Variants in PHLPP2 observed in about 807,000 individuals in gnomAD.
PHLPP2 encodes the protein PH domain leucine-rich repeat-containing protein phosphatase 2.
PHLPP2 carries 66 observed loss-of-function variants against 124.9 expected under a neutral mutation model. That is an observed-to-expected ratio of 0.53 (90% CI 0.43 to 0.65). The LOEUF (loss-of-function observed/expected upper bound fraction) is 0.65. Ranked by LOEUF, PHLPP2 falls within the 30% of genes least tolerant of loss-of-function variation. The pLI, the probability that PHLPP2 is intolerant of heterozygous loss-of-function variation, is 0.00. For missense variants in PHLPP2, 1,685 were observed against 1,600.4 expected (o/e 1.05, Z -0.90); for synonymous variants, 681 against 624.7 (o/e 1.09, Z -1.34).
At chr16:71,718,415 T>C (rs1375892285) in intron 1 of PHLPP2, among the ~76,000 whole-genome samples, 1 of 146,376 alleles carries the variant, frequency 6.8e-6, no homozygotes, top group Middle Eastern at 3.6e-3. Context: ...CCGTCTCTAC[T>C]AAAAATACAA....
At chr16:71,693,815 C>T (rs1235754789) in intron 3 of PHLPP2, among the ~76,000 whole-genome samples, 1 of 152,230 alleles carries the variant, frequency 6.6e-6, no homozygotes, top group East Asian at 1.9e-4. Context: ...AGACTTCCCC[C>T]AATTTCTTGA....
At chr16:71,666,075 TA>T (rs1160540267) in intron 12 of PHLPP2, 1 of 152,140 alleles carries the variant, frequency 6.6e-6, no homozygotes, top group African/African-American at 2.4e-5. Flanking sequence ...AAAAATATAA[TA>T]AAAACTAGTT....
intron 2 of PHLPP2, among the ~76,000 whole-genome samples, chr16:71,707,806 G>A (rs1038896799): frequency 6.6e-6 from 1 of 152,192 alleles, no homozygotes; most frequent in Non-Finnish European, 1.5e-5. Flanking sequence ...CCTGAGTTCT[G>A]CCAAGTTCTT....
Position 71,649,183 on chromosome 16 carries a change from G to T in PHLPP2, c.3679C>A (p.Gln1227Lys), listed in dbSNP as rs1425503081. 1.9e-6 allele frequency: 3 copies of T among 1,614,086 alleles called. No homozygotes were observed. Among genetic ancestry groups the T allele is most frequent in the Admixed American group, 3.3e-5 (2 of 60,010 alleles). Reference sequence around the variant, plus strand: ...AGGCAGGAGGTGGAGGGAGACTTCTGTAACTCCATCCTGTCCTTGCTCATT... The same window carrying T: ...AGGCAGGAGGTGGAGGGAGACTTCTTTAACTCCATCCTGTCCTTGCTCATT... ...LPMSKDRMEL[Q>K]KSPSTSCLYG... Residue 1227 changes from glutamine (Q) to lysine (K), a missense_variant, in exon 19 of 19, where the codon CAG becomes AAG. Gln to Lys is a moderately conservative substitution (Grantham distance 53). Coordinates refer to ENST00000568954, the MANE Select transcript of PHLPP2 (RefSeq NM_015020.3).
At chr16:71,670,278 A>C (rs749797832) in intron 10 of PHLPP2, among the ~76,000 whole-genome samples, 3 of 152,176 alleles carry the variant, frequency 2.0e-5, no homozygotes, top group African/African-American at 7.2e-5. Context: ...GCAGTAAATG[A>C]GGTCACGTCC....
At position 71,684,509 on chromosome 16, in the gene PHLPP2, G is replaced by A. The variant is rs182177503; in HGVS notation, c.702C>T (p.Ala234=). 35 of 1,613,624 alleles carry A rather than the reference G, an allele frequency of 2.2e-5. No individual in the cohort carries two copies. Among genetic ancestry groups the A allele is most frequent in the East Asian group, 6.7e-5 (3 of 44,864 alleles). ...QTYHVSFETL[A]EYQRWQRQAS... ...CTTGCCGTTGCCATCGCTGGTACTC[G>A]GCCAAAGTCTCGAAGCTGACATGAT... Residue 234 remains alanine, a synonymous_variant, in exon 5 of 19, where the codon GCC becomes GCT. Transcript: ENST00000568954.
In PHLPP2 at chr16:71,647,735, G is replaced by A. The variant is rs1567609647; in HGVS notation, c.*1155C>T. ...TAGCAGGTATCATATTTGTCAAGGG[G>A]TAATTCTCTTTTTCTGATCTAGGGA... On this transcript the variant is annotated 3_prime_UTR_variant, in exon 19 of 19. Coordinates refer to ENST00000568954, the MANE Select transcript of PHLPP2 (RefSeq NM_015020.3). 2 of 152,174 alleles carry A rather than the reference G, an allele frequency of 1.3e-5. No homozygotes were observed. 9.4% of individuals were successfully genotyped at this position (152,174 alleles called of 1,614,324 possible).
intron 3 of PHLPP2, among the ~76,000 whole-genome samples, chr16:71,693,890 T>A (rs542550810): frequency 3.3e-5 from 5 of 152,280 alleles, no homozygotes; most frequent in Admixed American, 2.6e-4. Flanking sequence ...ATATATCATA[T>A]ATGTATATTA....
At chr16:71,691,585 C>G (rs189277991) in intron 3 of PHLPP2, among the ~76,000 whole-genome samples, 259 of 152,142 alleles carry the variant, frequency 1.7e-3, no homozygotes, top group South Asian at 3.3e-3. Context: ...ACTATTGTTA[C>G]TAATCTACCC....
chr16:71,655,915 TAAGGA>T (rs1263300874), intron 16 of PHLPP2, among the ~76,000 whole-genome samples: 2 of 152,162 alleles, frequency 1.3e-5, no homozygotes, highest in Non-Finnish European at 2.9e-5. Context: ...GCTAATGTCC[TAAGGA>T]AAGGGGAAAC....
At chr16:71,721,405 G>A (rs6499535) in intron 1 of PHLPP2, among the ~76,000 whole-genome samples, 3,617 of 152,158 alleles carry the variant, frequency 0.024, 140 homozygotes, top group African/African-American at 0.082. Context: ...ATCACTTGAG[G>A]CCAGGAGTTT....
At chr16:71,716,426 A>C (rs1166974419) in intron 1 of PHLPP2, among the ~76,000 whole-genome samples, 3 of 152,244 alleles carry the variant, frequency 2.0e-5, no homozygotes, top group African/African-American at 7.2e-5. Flanking sequence ...TTGATAATTT[A>C]GGTATGTGAA....
intron 12 of PHLPP2, among the ~76,000 whole-genome samples, chr16:71,665,028 G>A (rs1352885836): frequency 1.3e-5 from 2 of 152,086 alleles, no homozygotes; most frequent in Admixed American, 1.3e-4. Context: ...TTATACTTCC[G>A]GCTGGGCGAG....
At chr16:71,716,895 G>C (rs2045366744) in intron 1 of PHLPP2, among the ~76,000 whole-genome samples, 1 of 152,182 alleles carries the variant, frequency 6.6e-6, no homozygotes, top group Non-Finnish European at 1.5e-5. Context: ...TTCACCTTGA[G>C]TACACCTCTA....
intron 10 of PHLPP2, 25 bp downstream of exon 10, chr16:71,672,237 C>T (rs752253730): frequency 2.3e-5 from 37 of 1,588,556 alleles, no homozygotes; most frequent in Non-Finnish European, 3.1e-5. Flanking sequence ...AAGAAGCAAG[C>T]GCCACCCTCA....
chr16:71,707,056 G>A (rs1024062957), intron 2 of PHLPP2, among the ~76,000 whole-genome samples: 4 of 139,704 alleles, frequency 2.9e-5, no homozygotes, highest in African/African-American at 5.3e-5. Flanking sequence ...TGGGGTTCAC[G>A]CCATTCTCCT....
intron 5 of PHLPP2, among the ~76,000 whole-genome samples, chr16:71,683,697 C>T (rs2045025232): frequency 6.6e-6 from 1 of 152,160 alleles, no homozygotes; most frequent in South Asian, 2.1e-4. Flanking sequence ...GGTGGAATTC[C>T]ATGATTTTAC....
chr16:71,721,778 C>A (rs1230079733), intron 1 of PHLPP2, among the ~76,000 whole-genome samples: 4 of 151,974 alleles, frequency 2.6e-5, no homozygotes, highest in Non-Finnish European at 4.4e-5. Context: ...AACCATAAAC[C>A]CCAAATTGTA....
At position 71,658,717 on chromosome 16, in the gene PHLPP2, G is replaced by C. The variant is rs1345221720; in HGVS notation, c.2084C>G (p.Thr695Ser). ...TTIANCKRLH[T>S]LVAHSNNISI... ...GATGTTGTTGGAGTGTGCAACAAGG[G>C]TGTGCAGCCTTTTACAGTTTGCTAT... Residue 695 changes from threonine (T) to serine (S), a missense_variant, in exon 14 of 19, where the codon ACC becomes AGC. Thr to Ser is a moderately conservative substitution (Grantham distance 58). Transcript: ENST00000568954. The C allele has an allele frequency of 6.2e-7, 1 of 1,614,120 alleles. No homozygotes were observed. Among genetic ancestry groups the C allele is most frequent in the Non-Finnish European group, 8.5e-7 (1 of 1,179,998 alleles).
Sources: allele counts gnomAD v4.1 joint callset (sites outside exome capture counted in the v4.1 genomes callset), GRCh38; gene constraint gnomAD v4.1.1; transcripts MANE v1.5; gene names NCBI Gene and HGNC (gene_info 2026-07-23, HGNC 2026-07-21).